BPHL: variants seen among roughly 807,000 people sequenced by gnomAD.
BPHL encodes serine hydrolase BPHL.
A neutral mutation model predicts 31.2 loss-of-function variants in BPHL; 27 were observed. That is an observed-to-expected ratio of 0.87 (90% confidence interval 0.64 to 1.19). The LOEUF (loss-of-function observed/expected upper bound fraction) is 1.19, where lower values mean the gene tolerates loss of function less well. Among genes scored for constraint, BPHL ranks in the 50% most tolerant of loss-of-function variants. The pLI is 0.00. For synonymous variants in BPHL, 150 were observed against 146.8 expected (o/e 1.02, Z -0.16); for missense variants, 356 against 375.7 (o/e 0.95, Z 0.43).
At chr6:3,127,611 G>A (rs755292565) in intron 3 of BPHL, among the ~76,000 whole-genome samples, 3 of 152,080 alleles carry the variant, frequency 2.0e-5, no homozygotes, top group South Asian at 2.1e-4. Context: ...AAATCTTGGC[G>A]GCTCTGCTTT....
In BPHL at chr6:3,119,359, C is replaced by T; in HGVS notation, c.107+512C>T. ...GAGCCCTAAGTCTTCTCTTTGCTTG[C>T]TGATCTCGTACCTTAATGTGCAAAA... is the stretch of plus-strand genomic sequence containing the variant. On this transcript the variant is annotated intron_variant, in intron 1 of 6. Coordinates refer to ENST00000380379, the MANE Select transcript of BPHL (RefSeq NM_004332.4). The T allele has an allele frequency of 1.9e-6, 3 of 1,568,824 alleles. 1 individual carries two copies. The highest frequency in any genetic ancestry group is 8.7e-7 in the Non-Finnish European group (1 of 1,155,428).
chr6:3,130,195 G>A (rs951436879), intron 4 of BPHL, among the ~76,000 whole-genome samples: 11 of 152,176 alleles, frequency 7.2e-5, no homozygotes, highest in Non-Finnish European at 8.8e-5. Flanking sequence ...TGCAGCCCAC[G>A]TACCAATCGA....
rs372274364 is a variant in BPHL, at chr6:3,129,481, G to T, written c.532+283G>T. Among the ~76,000 whole-genome samples the T allele has an allele frequency of 3.9e-5, 6 of 152,304 alleles. No individual in the cohort carries two copies. In the South Asian group the frequency reaches 6.2e-4, roughly 16 times the overall value. ...CTGATAATGAACTTCAGGGAAGGAG[G>T]GGGTGGTGTGAAGTGTTATTAATAA... On this transcript the variant is annotated intron_variant, in intron 4 of 6. Coordinates refer to ENST00000380379, the MANE Select transcript of BPHL (RefSeq NM_004332.4).
chr6:3,143,899 G>T (rs542931562), intron 6 of BPHL, among the ~76,000 whole-genome samples: 36 of 152,236 alleles, frequency 2.4e-4, no homozygotes, highest in Non-Finnish European at 4.6e-4. Context: ...CTCGCCTCTC[G>T]CCTGCGGCCC....
At chr6:3,123,617 T>C in intron 1 of BPHL, 40 bp from the exon 2 acceptor site, 1 of 1,557,200 alleles carries the variant, frequency 6.4e-7, no homozygotes, top group East Asian at 2.3e-5. Flanking sequence ...TCTTCCCATC[T>C]CCCCTTTCCC....
At chr6:3,143,683 C>T (rs1762238557) in intron 6 of BPHL, among the ~76,000 whole-genome samples, 1 of 152,218 alleles carries the variant, frequency 6.6e-6, no homozygotes, top group South Asian at 2.1e-4. Context: ...TTAGGACCTA[C>T]TCATATGACT....
chr6:3,118,615 G>C, upstream of BPHL: 4 of 642,232 alleles, frequency 6.2e-6, no homozygotes, highest in Non-Finnish European at 8.9e-6. Context: ...GGGGCGGGCA[G>C]AGGGCGGAGC....
intron 2 of BPHL, 47 bp downstream of exon 2, chr6:3,123,807 T>C (rs916608116): frequency 1.3e-6 from 2 of 1,488,988 alleles, no homozygotes; most frequent in Non-Finnish European, 1.9e-6. Flanking sequence ...GTAAAATCTA[T>C]GATGCATTCA....
intron 4 of BPHL, among the ~76,000 whole-genome samples, chr6:3,136,332 C>T (rs1762017719): frequency 6.6e-6 from 1 of 152,142 alleles, no homozygotes; most frequent in African/African-American, 2.4e-5. Flanking sequence ...CTCCACGTAC[C>T]TCATTCAAGT....
chr6:3,126,998 T>G, intron 2 of BPHL: 1 of 282,388 alleles, frequency 3.5e-6, no homozygotes, highest in Non-Finnish European at 6.3e-6. Context: ...CTCGAACTCC[T>G]GAGCTCAGGC....
chr6:3,150,116 G>A (rs3799213), intron 6 of BPHL: 12,858 of 152,176 alleles, frequency 0.084, 789 homozygotes, highest in African/African-American at 0.17. Flanking sequence ...AAGATCCAGC[G>A]GCCTGCTTTG....
At chr6:3,147,063 C>A (rs1368966534) in intron 6 of BPHL, among the ~76,000 whole-genome samples, 1 of 152,090 alleles carries the variant, frequency 6.6e-6, no homozygotes, top group African/African-American at 2.4e-5. Context: ...ACTTAACACA[C>A]CCAGCCTGGG....
chr6:3,120,537 A>G (rs1457940214), intron 1 of BPHL, among the ~76,000 whole-genome samples: 2 of 152,222 alleles, frequency 1.3e-5, no homozygotes, highest in East Asian at 3.9e-4. Flanking sequence ...CCTGAAATGC[A>G]GCTGTAGCTC....
At chr6:3,135,714 T>A (rs1223647356) in intron 4 of BPHL, among the ~76,000 whole-genome samples, 1 of 152,234 alleles carries the variant, frequency 6.6e-6, no homozygotes, top group African/African-American at 2.4e-5. Context: ...TCTTAAGATT[T>A]GTCTTCCAAT....
intron 3 of BPHL, 23 bp from the exon 4 acceptor site, chr6:3,129,022 T>C (rs776501125): frequency 6.2e-7 from 1 of 1,614,256 alleles, no homozygotes; most frequent in Admixed American, 1.7e-5. Flanking sequence ...ACCCGTGCCG[T>C]GCATTTTGTC....
intron 4 of BPHL, among the ~76,000 whole-genome samples, chr6:3,132,002 C>T (rs1002114130): frequency 1.3e-5 from 2 of 152,212 alleles, no homozygotes; most frequent in Admixed American, 6.5e-5. Context: ...CCTCGGTCAC[C>T]GCAGTGGGAA....
chr6:3,133,236 T>C (rs1314694306), intron 4 of BPHL, among the ~76,000 whole-genome samples: 1 of 127,868 alleles, frequency 7.8e-6, no homozygotes, highest in Non-Finnish European at 1.5e-5. Flanking sequence ...CACTGCACTC[T>C]TCTCTTCTGC....
At chr6:3,146,161 G>C (rs1259832465) in intron 6 of BPHL, among the ~76,000 whole-genome samples, 5 of 42,982 alleles carry the variant, frequency 1.2e-4, no homozygotes, top group African/African-American at 4.3e-4. Flanking sequence ...GTGCTGGTTC[G>C]GGGTGGAGTG....
At chr6:3,127,775 C>T (rs551636148) in intron 3 of BPHL, among the ~76,000 whole-genome samples, 11 of 152,116 alleles carry the variant, frequency 7.2e-5, no homozygotes, top group African/African-American at 2.6e-4. Flanking sequence ...GTATGATAGG[C>T]ACATATTATT....
Sources: allele counts gnomAD v4.1 joint callset (sites outside exome capture counted in the v4.1 genomes callset), GRCh38; gene constraint gnomAD v4.1.1; transcripts MANE v1.5; gene names NCBI Gene and HGNC (gene_info 2026-07-23, HGNC 2026-07-21).